The following FOXN3 variants were observed in gnomAD, a reference collection of about 807,000 sequenced individuals.
FOXN3 encodes the protein forkhead box N3.
Under a neutral mutation model 38.4 loss-of-function variants are expected in FOXN3, and 7 were observed. The observed-to-expected ratio is 0.18, with a 90% CI of 0.10 to 0.34. The LOEUF is 0.34. Among genes scored for constraint, FOXN3 ranks in the 10% least tolerant of loss-of-function variants. The probability of loss-of-function intolerance (pLI) is 1.00; values close to 1 mark genes in which losing one functional copy is unlikely to be tolerated. For missense variants in FOXN3, 456 were observed against 613.4 expected (o/e 0.74, Z 2.71); for synonymous variants, 230 against 242.2 (o/e 0.95, Z 0.47).
chr14:89,422,491 AAG>A (rs1349089714), intron 1 of FOXN3, among the ~76,000 whole-genome samples: 2 of 152,164 alleles, frequency 1.3e-5, no homozygotes, highest in African/African-American at 2.4e-5. Flanking sequence ...TGAATATGAG[AAG>A]AGAGGGGGAG....
At chr14:89,229,534 C>T (rs1162777469) in intron 4 of FOXN3, among the ~76,000 whole-genome samples, 1 of 152,092 alleles carries the variant, frequency 6.6e-6, no homozygotes, top group Non-Finnish European at 1.5e-5. Context: ...GTAATGACAC[C>T]CTAGTTGCAG....
rs145198757 is a variant in FOXN3, at chr14:89,157,622, C to G, written c.*4792G>C. Reference sequence around the variant, plus strand: ...TTCCGTTACAAAGGAAAAAAAGACACCATTACAGCTTTGTAACTGTGTTAA... The same window carrying G: ...TTCCGTTACAAAGGAAAAAAAGACAGCATTACAGCTTTGTAACTGTGTTAA... On this transcript the variant is annotated 3_prime_UTR_variant, in exon 6 of 6. Transcript: ENST00000557258. The G allele has an allele frequency of 6.6e-6, 1 of 152,620 alleles. No individual in the cohort carries two copies. Among genetic ancestry groups the G allele is most frequent in the Non-Finnish European group, 1.5e-5 (1 of 68,038 alleles). The allele number at this position is 152,620 out of a possible 1,614,324, so 9.5% of individuals were successfully genotyped here.
chr14:89,489,985 G>A (rs1243913407), intron 1 of FOXN3, among the ~76,000 whole-genome samples: 1 of 152,208 alleles, frequency 6.6e-6, no homozygotes, highest in African/African-American at 2.4e-5. Context: ...TACAACTGCA[G>A]GCAGGAGTAA....
At chr14:89,189,650 T>C (rs1887895607) in intron 4 of FOXN3, among the ~76,000 whole-genome samples, 1 of 152,218 alleles carries the variant, frequency 6.6e-6, no homozygotes, top group African/African-American at 2.4e-5. Flanking sequence ...GAAGTCACTC[T>C]TCATCCCTTG....
chr14:89,402,956 C>G (rs1891289355), intron 2 of FOXN3, among the ~76,000 whole-genome samples: 1 of 152,186 alleles, frequency 6.6e-6, no homozygotes, highest in African/African-American at 2.4e-5. Context: ...TTTGTAACAG[C>G]TTATTCAAGT....
chr14:89,603,435 C>T (rs1896199955), intron 1 of FOXN3, among the ~76,000 whole-genome samples: 1 of 152,170 alleles, frequency 6.6e-6, no homozygotes, highest in Non-Finnish European at 1.5e-5. Flanking sequence ...ACTTAAAATA[C>T]CCCTGAATAC....
intron 4 of FOXN3, 91 bp downstream of exon 4, chr14:89,280,859 G>T: frequency 8.7e-7 from 1 of 1,145,176 alleles, no homozygotes; most frequent in Non-Finnish European, 1.3e-6. Flanking sequence ...AAACGGGACA[G>T]AACTGTCCTA....
intron 1 of FOXN3, among the ~76,000 whole-genome samples, chr14:89,558,746 A>G (rs920917046): frequency 3.3e-5 from 5 of 152,184 alleles, no homozygotes; most frequent in African/African-American, 4.8e-5. Flanking sequence ...GCTCGGACCC[A>G]GCCATGCCAG....
At chr14:89,249,890 C>A (rs752982518) in intron 4 of FOXN3, among the ~76,000 whole-genome samples, 3 of 152,062 alleles carry the variant, frequency 2.0e-5, no homozygotes, top group Non-Finnish European at 2.9e-5. Flanking sequence ...AAAAAGTCAT[C>A]AATATTATAT....
At chr14:89,233,218 C>T (rs1426606307) in intron 4 of FOXN3, among the ~76,000 whole-genome samples, 1 of 152,238 alleles carries the variant, frequency 6.6e-6, no homozygotes, top group Non-Finnish European at 1.5e-5. Flanking sequence ...TACCCGGCAT[C>T]CCACTCTTGT....
At chr14:89,280,894 A>G (rs1287963965) in intron 4 of FOXN3, 56 bp downstream of exon 4, 5 of 1,479,980 alleles carry the variant, frequency 3.4e-6, no homozygotes, top group South Asian at 1.2e-5. Context: ...CAAAGGAGTG[A>G]TGAAAGGCGG....
intron 4 of FOXN3, among the ~76,000 whole-genome samples, chr14:89,207,676 TACTC>T (rs1261882264): frequency 6.6e-6 from 1 of 152,132 alleles, no homozygotes; most frequent in African/African-American, 2.4e-5. Context: ...ATATTTGAAA[TACTC>T]TACAGTAAAA....
rs763626487 is a variant in FOXN3 at position 89,164,628 on chromosome 14, C to G, written c.852-1659G>C. On this transcript the variant is annotated intron_variant, in intron 5 of 5. Transcript: ENST00000557258. This position sits in a 1 kb window ranked among gnomAD's most constrained non-coding sequence, Gnocchi z 4.3. ...CAGCACGGTGGACACAGCAGATAAA[C>G]TGAGGAAGTGCGGCACAGGTGGAAT... Among the ~76,000 whole-genome samples, 4 of 152,164 alleles carry G rather than the reference C, an allele frequency of 2.6e-5. No homozygotes were observed. Among genetic ancestry groups the G allele is most frequent in the Non-Finnish European group, 5.9e-5 (4 of 68,020 alleles).
chr14:89,413,862 G>C (rs1334325518), intron 1 of FOXN3, among the ~76,000 whole-genome samples: 2 of 144,694 alleles, frequency 1.4e-5, no homozygotes, highest in Non-Finnish European at 3.0e-5. Flanking sequence ...GGGGAAGGGA[G>C]GGCAAGAGAA....
rs80192403 is a variant in FOXN3, at chr14:89,231,727, G to A, written c.745+49223C>T. ...TGGTACAGCCGCTCCATGCAATACTGTGCTCCAAATCGGACCTGCCTACCT... is the reference window on the plus strand; with the variant it reads ...TGGTACAGCCGCTCCATGCAATACTATGCTCCAAATCGGACCTGCCTACCT... On this transcript the variant is annotated intron_variant, in intron 4 of 5. Coordinates refer to ENST00000557258, the MANE Select transcript of FOXN3 (RefSeq NM_005197.4). 5.4e-3 allele frequency among the ~76,000 whole-genome samples: 815 copies of A among 152,264 alleles called. 9 individuals are homozygous for A. Among genetic ancestry groups the A allele is most frequent in the African/African-American group, 0.019 (772 of 41,538 alleles).
chr14:89,574,716 C>T (rs1014522961), intron 1 of FOXN3, among the ~76,000 whole-genome samples: 2 of 152,122 alleles, frequency 1.3e-5, no homozygotes, highest in East Asian at 1.9e-4. Context: ...CTTCTCTGAT[C>T]GTCCTACAGG....
chr14:89,542,133 T>C (rs1232664156), intron 1 of FOXN3, among the ~76,000 whole-genome samples: 1 of 152,150 alleles, frequency 6.6e-6, no homozygotes, highest in Admixed American at 6.5e-5. Context: ...GAGGAACGCA[T>C]CCACCCTAAG....
intron 1 of FOXN3, among the ~76,000 whole-genome samples, chr14:89,514,544 C>T (rs966823279): frequency 6.6e-6 from 1 of 152,166 alleles, no homozygotes; most frequent in African/African-American, 2.4e-5. Flanking sequence ...CATCATCTAC[C>T]GTAACCAGAC....
At chr14:89,218,131 C>G (rs1004743239) in intron 4 of FOXN3, among the ~76,000 whole-genome samples, 3 of 152,244 alleles carry the variant, frequency 2.0e-5, no homozygotes, top group South Asian at 4.1e-4. Flanking sequence ...GGTTACAAAG[C>G]CCTTAATTCC....
Sources: gnomAD v4.1 joint callset for allele counts (sites outside exome capture counted in the v4.1 genomes callset) on GRCh38, gnomAD v4.1.1 for gene constraint, Gnocchi (gnomAD v3.1) non-coding constraint, MANE v1.5 for transcripts, NCBI Gene and HGNC (gene_info 2026-07-23, HGNC 2026-07-21) for gene names.